CFAP61: variants seen among roughly 807,000 people sequenced by gnomAD.
The protein encoded by CFAP61 is cilia and flagella associated protein 61, also known as cilia- and flagella-associated protein 61.
Under a neutral mutation model 135.6 loss-of-function variants are expected in CFAP61, and 107 were observed. The ratio of observed to expected loss-of-function variants is 0.79; its 90% CI spans 0.67 to 0.93. CFAP61 has a LOEUF of 0.93. Ranked by LOEUF, CFAP61 falls within the 40% of genes least tolerant of loss-of-function variation. CFAP61 has a pLI of 0.00. For missense variants in CFAP61, 1,507 were observed against 1,556.2 expected, an observed-to-expected ratio of 0.97 and a Z score of 0.53; for synonymous variants, 575 against 578.5, an observed-to-expected ratio of 0.99 and a Z score of 0.09.
At chr20:20,198,118 C>G (rs1299387063) in intron 16 of CFAP61, among the ~76,000 whole-genome samples, 1 of 152,118 alleles carries the variant, frequency 6.6e-6, no homozygotes, top group East Asian at 1.9e-4. Context: ...AGACTCTGCT[C>G]TAGTTTTTTT....
chr20:20,053,196 A>G (rs6136926), intron 1 of CFAP61, among the ~76,000 whole-genome samples: 21,535 of 152,170 alleles, frequency 0.14, 1,673 homozygotes, highest in East Asian at 0.22. Context: ...ATAATACTTA[A>G]CCTGCCCTCA....
intron 17 of CFAP61, chr20:20,220,111 G>A (rs6046734): frequency 6.6e-6 from 1 of 152,398 alleles, no homozygotes; most frequent in Non-Finnish European, 1.5e-5. Context: ...GGAACTTTCA[G>A]GCCTACCCCC....
intron 13 of CFAP61, among the ~76,000 whole-genome samples, chr20:20,179,477 A>G (rs1601211124): frequency 1.3e-5 from 2 of 152,216 alleles, no homozygotes; most frequent in East Asian, 3.8e-4. Context: ...TATAGATTCA[A>G]TACTATTCCT....
chr20:20,053,187 T>A (rs1319119651), intron 1 of CFAP61, among the ~76,000 whole-genome samples: 1 of 152,222 alleles, frequency 6.6e-6, no homozygotes, highest in Non-Finnish European at 1.5e-5. Flanking sequence ...TTAGCTGTTA[T>A]AATACTTAAC....
chr20:20,161,559 AAAGT>A (rs1358930243), intron 10 of CFAP61, among the ~76,000 whole-genome samples: 1 of 152,172 alleles, frequency 6.6e-6, no homozygotes, highest in Non-Finnish European at 1.5e-5. Context: ...AGACTGGTGA[AAAGT>A]GTGTGAATTC....
intron 21 of CFAP61, chr20:20,267,598 C>G (rs1302712076): frequency 2.0e-5 from 3 of 152,648 alleles, no homozygotes; most frequent in South Asian, 4.1e-4. Flanking sequence ...ACAGCCACTG[C>G]TAGCTTATTT....
intron 26 of CFAP61, among the ~76,000 whole-genome samples, chr20:20,342,691 C>G (rs766156883): frequency 3.5e-4 from 53 of 152,276 alleles, no homozygotes; most frequent in Non-Finnish European, 6.3e-4. Flanking sequence ...AGCCCCCACG[C>G]GCCTTATTGG....
chr20:20,298,437 T>C (rs947692424), intron 25 of CFAP61, 51 bp downstream of exon 25: 11 of 1,456,474 alleles, frequency 7.6e-6, no homozygotes, highest in East Asian at 2.3e-5. Flanking sequence ...ATATATATAA[T>C]GTCTGTGAAT....
chr20:20,168,239 A>C lies in CFAP61; in HGVS notation c.1246-1082A>C, dbSNP rs1430519840. On this transcript the variant is annotated intron_variant, in intron 12 of 26. Coordinates refer to ENST00000245957, the MANE Select transcript of CFAP61 (RefSeq NM_015585.4). ...CACCATGCCCAGCTAATTAAAAAAA[A>C]AATTGTAGAAATGGGGTCTTGTCAT... Among the ~76,000 whole-genome samples the C allele has an allele frequency of 2.0e-5, 3 of 152,048 alleles. No homozygotes were observed. In the East Asian group the frequency reaches 5.8e-4, roughly 29 times the overall value.
At chr20:20,157,164 C>T (rs1485774613) in intron 9 of CFAP61, among the ~76,000 whole-genome samples, 2 of 152,130 alleles carry the variant, frequency 1.3e-5, no homozygotes, top group African/African-American at 4.8e-5. Flanking sequence ...CCTCCGCCTC[C>T]CAGGTTCAAG....
chr20:20,137,970 G>T (rs1300667366), intron 8 of CFAP61, among the ~76,000 whole-genome samples: 4 of 152,242 alleles, frequency 2.6e-5, no homozygotes, highest in African/African-American at 9.6e-5. Flanking sequence ...ACCACATGAT[G>T]AATCCTACTA....
intron 17 of CFAP61, among the ~76,000 whole-genome samples, chr20:20,200,323 G>T (rs548253974): frequency 6.6e-6 from 1 of 152,206 alleles, no homozygotes; most frequent in East Asian, 2.0e-4. Context: ...GGCTGCATTC[G>T]AGATGTTTGG....
At chr20:20,255,054 T>C (rs1278150069) in intron 20 of CFAP61, among the ~76,000 whole-genome samples, 2 of 152,246 alleles carry the variant, frequency 1.3e-5, no homozygotes, top group Non-Finnish European at 2.9e-5. Context: ...TACAGTAATA[T>C]GTTTATAGAA....
At chr20:20,243,091 G>A (rs949640851) in intron 18 of CFAP61, among the ~76,000 whole-genome samples, 41 of 152,330 alleles carry the variant, frequency 2.7e-4, no homozygotes, top group African/African-American at 9.9e-4. Flanking sequence ...CATGGCTGGG[G>A]AGGCCTCACA....
At chr20:20,098,883 T>C (rs966385192) in intron 8 of CFAP61, 69 bp downstream of exon 8, 30 of 1,371,448 alleles carry the variant, frequency 2.2e-5, no homozygotes, top group Non-Finnish European at 2.0e-5. Context: ...CGCTCTTCGC[T>C]AAGTGATGGA....
Position 20,262,979 on chromosome 20 carries a change from T to C in CFAP61, c.2352T>C (p.Asp784=). ...QYQVPCPTEA[D]ISQHLTNREV... ...AGGTCCCATGCCCTACAGAGGCTGA[T>C]ATTAGTCAACACCTGACAAACAGGG... The change falls in exon 21 of 27, where the codon GAT becomes GAC. Residue 784 remains aspartate, a synonymous_variant. Coordinates refer to ENST00000245957, the MANE Select transcript of CFAP61 (RefSeq NM_015585.4). 1.2e-6 allele frequency: 2 copies of C among 1,613,704 alleles called. No individual in the cohort carries two copies. The highest frequency in any genetic ancestry group is 2.2e-5 in the South Asian group (2 of 91,024).
At chr20:20,301,642 A>C (rs963767889) in intron 25 of CFAP61, among the ~76,000 whole-genome samples, 3 of 152,048 alleles carry the variant, frequency 2.0e-5, no homozygotes, top group Admixed American at 2.0e-4. Flanking sequence ...TCATTTGTTC[A>C]TGGGCCATTT....
intron 18 of CFAP61, 52 bp from the exon 19 acceptor site, chr20:20,246,065 T>C: frequency 8.9e-7 from 1 of 1,119,504 alleles, no homozygotes; most frequent in South Asian, 1.3e-5. Context: ...TGATAAACTT[T>C]TGCTAAATTG....
In CFAP61 at chr20:20,205,993, T is replaced by G. The variant is rs1024407848; in HGVS notation, c.1932+6091T>G. ...GATGAGTAACTACAGGTTTATTTTTTGGGGTGGGGGTTGGGTGGAGGGAAG... is the reference window on the plus strand; with the variant it reads ...GATGAGTAACTACAGGTTTATTTTTGGGGGTGGGGGTTGGGTGGAGGGAAG... On this transcript the variant is annotated intron_variant, in intron 17 of 26. Coordinates refer to ENST00000245957, the MANE Select transcript of CFAP61 (RefSeq NM_015585.4). Among the ~76,000 whole-genome samples the G allele has an allele frequency of 1.8e-4, 27 of 151,090 alleles. 1 individual carries two copies. Among genetic ancestry groups the G allele is most frequent in the Middle Eastern group, 3.4e-3 (1 of 290 alleles).
Sources: allele counts gnomAD v4.1 joint callset (sites outside exome capture counted in the v4.1 genomes callset), GRCh38; gene constraint gnomAD v4.1.1; transcripts MANE v1.5; gene names NCBI Gene and HGNC (gene_info 2026-07-23, HGNC 2026-07-21).